The following C8orf74 variants were observed in gnomAD, a reference collection of about 807,000 sequenced individuals.
C8orf74 encodes chromosome 8 open reading frame 74.
In C8orf74, 29 loss-of-function variants were observed where a neutral mutation model predicts 22.2. The observed-to-expected ratio is 1.31, with a 90% CI of 0.97 to 1.78. The LOEUF (loss-of-function observed/expected upper bound fraction) is 1.78. Among genes scored for constraint, C8orf74 ranks in the 40% most tolerant of loss-of-function variants. The pLI is 0.00. For synonymous variants in C8orf74, 255 were observed against 163.1 expected, an observed-to-expected ratio of 1.56 and a Z score of -4.30; for missense variants, 515 against 369.9, an observed-to-expected ratio of 1.39 and a Z score of -3.22.
At chr8:10,695,879 G>C (rs552826867) in intron 2 of C8orf74, among the ~76,000 whole-genome samples, 1 of 152,152 alleles carries the variant, frequency 6.6e-6, no homozygotes, top group Non-Finnish European at 1.5e-5. Context: ...GTCGGCAGAA[G>C]GAACTGTGGA....
At chr8:10,676,377 C>T (rs761090300) in intron 2 of C8orf74, among the ~76,000 whole-genome samples, 57 of 152,132 alleles carry the variant, frequency 3.7e-4, no homozygotes, top group Non-Finnish European at 5.7e-4. Flanking sequence ...CTCACCACTT[C>T]TGACCACCCC....
chr8:10,681,517 C>T (rs1434233152), intron 2 of C8orf74, among the ~76,000 whole-genome samples: 2 of 152,040 alleles, frequency 1.3e-5, no homozygotes, highest in Non-Finnish European at 1.5e-5. Flanking sequence ...ATTTAGGGTG[C>T]CCAGGAGGCC....
chr8:10,695,293 AAG>A (rs1343772535), intron 2 of C8orf74, among the ~76,000 whole-genome samples: 2 of 152,198 alleles, frequency 1.3e-5, no homozygotes, highest in Admixed American at 1.3e-4. Flanking sequence ...TGTCATATCT[AAG>A]AGAGACAGAG....
chr8:10,680,744 A>T (rs1307219657), intron 2 of C8orf74, among the ~76,000 whole-genome samples: 1 of 152,170 alleles, frequency 6.6e-6, no homozygotes. Flanking sequence ...GAGAGCAGGA[A>T]GCTGTTTGCT....
chr8:10,682,716 A>G (rs1299687561), intron 2 of C8orf74, among the ~76,000 whole-genome samples: 1 of 152,220 alleles, frequency 6.6e-6, no homozygotes, highest in East Asian at 1.9e-4. Context: ...TGTGAGCAGT[A>G]CAGCCTGTAA....
intron 2 of C8orf74, among the ~76,000 whole-genome samples, chr8:10,681,344 A>G (rs1015690442): frequency 6.6e-6 from 1 of 152,176 alleles, no homozygotes; most frequent in Non-Finnish European, 1.5e-5. Context: ...CCCCGGGTCA[A>G]GGGTGAAGCC....
At chr8:10,697,401 C>T (rs1367822762) in intron 2 of C8orf74, among the ~76,000 whole-genome samples, 198 bp from the exon 3 acceptor site, 2 of 152,150 alleles carry the variant, frequency 1.3e-5, no homozygotes, top group Non-Finnish European at 2.9e-5. Context: ...CAGTGAGCTA[C>T]GATTGCACCA....
intron 2 of C8orf74, chr8:10,689,426 G>C (rs1028460411): frequency 1.3e-5 from 2 of 152,182 alleles, no homozygotes; most frequent in Admixed American, 6.5e-5. Context: ...TTGGTGATCT[G>C]CTAAGCTCAT....
chr8:10,685,564 G>A lies in C8orf74; in HGVS notation c.241+10726G>A, dbSNP rs1799245662. Among the ~76,000 whole-genome samples, 2 of 152,126 alleles carry A rather than the reference G, an allele frequency of 1.3e-5. 1 individual carries two copies. Among genetic ancestry groups the A allele is most frequent in the South Asian group, 4.2e-4 (2 of 4,816 alleles). On this transcript the variant is annotated intron_variant, in intron 2 of 3. Transcript: ENST00000304519. ...ATGCAAAAGAATAAATATCGTATGA[G>A]TCCGTCTATGAGGAACACAGAGTAG...
chr8:10,679,853 T>G (rs552027427), intron 2 of C8orf74: 1 of 152,982 alleles, frequency 6.5e-6, no homozygotes, highest in African/African-American at 2.4e-5. Context: ...GTCCTTCTCA[T>G]GCCCTGCTTC....
At position 10,694,673 on chromosome 8, in the gene C8orf74, AGTTTCTTGT is replaced by A. The variant is rs568423770; in HGVS notation, c.242-2922_242-2914del. On this transcript the variant is annotated intron_variant, in intron 2 of 3. Transcript: ENST00000304519. ...CCTGCTTAGGAATCAAAGAAAAGAC[AGTTTCTTGT>A]GTTACTCAACTTTCAGCTTAATTTT... Among the ~76,000 whole-genome samples the A allele has an allele frequency of 2.0e-5, 3 of 152,352 alleles. No homozygotes were observed. In the South Asian group the frequency reaches 6.2e-4, roughly 32 times the overall value.
intron 3 of C8orf74, 107 bp from the exon 4 acceptor site, chr8:10,700,128 C>T (rs1037912269): frequency 2.5e-5 from 18 of 710,192 alleles, no homozygotes; most frequent in South Asian, 6.5e-5. Context: ...CAGGGTGAGA[C>T]GGATGGACAG....
intron 2 of C8orf74, chr8:10,688,565 G>A (rs1366776269): frequency 6.6e-6 from 1 of 152,360 alleles, no homozygotes; most frequent in East Asian, 1.9e-4. Context: ...TAGGCGCAAT[G>A]GTGGCTGCTG....
rs76233623 is a variant in C8orf74 at position 10,679,644 on chromosome 8, G to A, written c.241+4806G>A. On this transcript the variant is annotated intron_variant, in intron 2 of 3. Transcript: ENST00000304519. Reference sequence around the variant, plus strand: ...CCAGAGCTGATCTTGGCCCCTCCGCGTTGGGCCTCATGGGCTTAGCTTCTC... The same window carrying A: ...CCAGAGCTGATCTTGGCCCCTCCGCATTGGGCCTCATGGGCTTAGCTTCTC... Among the ~76,000 whole-genome samples the A allele has an allele frequency of 7.1e-3, 1,082 of 152,260 alleles. 12 individuals are homozygous for A. The highest frequency in any genetic ancestry group is 0.024 in the African/African-American group (1,014 of 41,550).
At position 10,700,258 on chromosome 8, in the gene C8orf74, G is replaced by C; in HGVS notation, c.672G>C (p.Gln224His). 1 of 1,606,138 alleles carries C rather than the reference G, an allele frequency of 6.2e-7. No homozygotes were observed. The highest frequency in any genetic ancestry group is 8.5e-7 in the Non-Finnish European group (1 of 1,173,842). ...AGGAGTTGGAGAGCCTCATCTGCCAGGCAGTCCACACCCAGATGGAGCTCC... is the reference window on the plus strand; with the variant it reads ...AGGAGTTGGAGAGCCTCATCTGCCACGCAGTCCACACCCAGATGGAGCTCC... ...ERQELESLIC[Q>H]AVHTQMELLQ... Residue 224 changes from glutamine (Q) to histidine (H), a missense_variant, in exon 4 of 4, where the codon CAG becomes CAC. Gln to His is a conservative substitution (Grantham distance 24). Coordinates refer to ENST00000304519, the MANE Select transcript of C8orf74 (RefSeq NM_001040032.2).
At chr8:10,693,132 A>G (rs1447084142) in intron 2 of C8orf74, among the ~76,000 whole-genome samples, 1 of 152,158 alleles carries the variant, frequency 6.6e-6, no homozygotes, top group Non-Finnish European at 1.5e-5. Context: ...CCAGCCAGGC[A>G]GCTCCTTGCC....
intron 2 of C8orf74, among the ~76,000 whole-genome samples, chr8:10,684,927 T>C (rs1271196615): frequency 3.9e-5 from 6 of 152,168 alleles, no homozygotes. Context: ...GCCCATCTGA[T>C]AACGGAGATA....
chr8:10,683,780 G>C (rs796558720), intron 2 of C8orf74, among the ~76,000 whole-genome samples: 60 of 152,348 alleles, frequency 3.9e-4, no homozygotes, highest in African/African-American at 1.3e-3. Flanking sequence ...TCCGGTGTCT[G>C]AGCATCTGAG....
intron 2 of C8orf74, chr8:10,688,589 G>A (rs1799310522): frequency 6.6e-6 from 1 of 152,306 alleles, no homozygotes; most frequent in Admixed American, 6.5e-5. Context: ...GACCGTGAAT[G>A]GTGGCTGAGA....
Sources: gnomAD v4.1 joint callset for allele counts (sites outside exome capture counted in the v4.1 genomes callset) on GRCh38, gnomAD v4.1.1 for gene constraint, MANE v1.5 for transcripts, NCBI Gene and HGNC (gene_info 2026-07-23, HGNC 2026-07-21) for gene names.